AGPAT4: variants seen among roughly 807,000 people sequenced by gnomAD.
AGPAT4 encodes the protein 1-acyl-sn-glycerol-3-phosphate acyltransferase delta.
AGPAT4 carries 15 observed loss-of-function variants against 48.0 expected under a neutral mutation model. That is an observed-to-expected ratio of 0.31 (90% CI 0.21 to 0.48). The LOEUF is 0.48. AGPAT4 is among the 20% of genes least tolerant of loss of function. The pLI, the probability that AGPAT4 is intolerant of heterozygous loss-of-function variation, is 0.99. For missense variants in AGPAT4, 314 were observed against 482.5 expected, an observed-to-expected ratio of 0.65 and a Z score of 3.27; for synonymous variants, 178 against 198.7, an observed-to-expected ratio of 0.90 and a Z score of 0.88.
At position 161,223,387 on chromosome 6, in the gene AGPAT4, T is replaced by G. The variant is rs189957890; in HGVS notation, c.178+8649A>C. On this transcript the variant is annotated intron_variant, in intron 2 of 8. Coordinates refer to ENST00000320285, the MANE Select transcript of AGPAT4 (RefSeq NM_020133.3). This position sits in a 1 kb window ranked among gnomAD's most constrained non-coding sequence, Gnocchi z 6.3. ...ACTTGCATAGCATTTGACATTTGCTTATTTCAAAGTGTGGTGGAAAAGGGG... is the reference window on the plus strand; with the variant it reads ...ACTTGCATAGCATTTGACATTTGCTGATTTCAAAGTGTGGTGGAAAAGGGG... Among the ~76,000 whole-genome samples the G allele has an allele frequency of 3.3e-5, 5 of 152,332 alleles. No homozygotes were observed. The East Asian group carries it at 9.7e-4, about 29-fold the overall frequency.
Position 161,221,531 on chromosome 6 carries a change from G to A in AGPAT4, c.178+10505C>T, listed in dbSNP as rs139124378. 3.3e-5 allele frequency among the ~76,000 whole-genome samples: 5 copies of A among 152,172 alleles called. No individual in the cohort carries two copies. The South Asian group carries it at 6.2e-4, about 19-fold the overall frequency. On this transcript the variant is annotated intron_variant, in intron 2 of 8. Coordinates refer to ENST00000320285, the MANE Select transcript of AGPAT4 (RefSeq NM_020133.3). The surrounding 1 kb of genome is among the most constrained non-coding windows in gnomAD (Gnocchi z 4.5). Reference sequence around the variant, plus strand: ...ACCATATTAATGTGTCATTTATCACGAAACTGGACTTCACTTTGGACTTCA... The same window carrying A: ...ACCATATTAATGTGTCATTTATCACAAAACTGGACTTCACTTTGGACTTCA...
rs1781742218 is a variant in AGPAT4, at chr6:161,219,426, G to GT, written c.178+12609dup. On this transcript the variant is annotated intron_variant, in intron 2 of 8. Transcript: ENST00000320285. The surrounding 1 kb of genome is among the most constrained non-coding windows in gnomAD (Gnocchi z 4.9). ...AACATAAATAGAAGCTCTCAGGTTT[G>GT]TTTTTTCTATACCCCAATGGCTTGT... 6.6e-6 allele frequency among the ~76,000 whole-genome samples: 1 copy of GT among 151,896 alleles called. No homozygotes were observed.
rs948747839 is a variant in AGPAT4, at chr6:161,249,983, G to A, written c.-89-17681C>T. On this transcript the variant is annotated intron_variant, in intron 1 of 8. Transcript: ENST00000320285. This position sits in a 1 kb window ranked among gnomAD's most constrained non-coding sequence, Gnocchi z 6.2. ...TAGTAGACTGGATAAAGGAAATGTG[G>A]TACATATATACTGTGGAATATTATG... Among the ~76,000 whole-genome samples, 6 of 152,178 alleles carry A rather than the reference G, an allele frequency of 3.9e-5. No individual in the cohort carries two copies. The highest frequency in any genetic ancestry group is 1.4e-4 in the African/African-American group (6 of 41,436).
chr6:161,271,013 G>A (rs779839955), intron 1 of AGPAT4, among the ~76,000 whole-genome samples: 10 of 152,286 alleles, frequency 6.6e-5, no homozygotes, highest in Admixed American at 1.3e-4. Context: ...CTGGCCTTTC[G>A]TTGTTAAGCT....
intron 2 of AGPAT4, among the ~76,000 whole-genome samples, chr6:161,173,144 T>C (rs1225736808): frequency 1.3e-5 from 2 of 152,228 alleles, no homozygotes; most frequent in African/African-American, 4.8e-5. Flanking sequence ...TTTATAATCC[T>C]TTGGGTATAT....
At chr6:161,239,482 A>G in intron 1 of AGPAT4, among the ~76,000 whole-genome samples, 1 of 152,206 alleles carries the variant, frequency 6.6e-6, no homozygotes, top group Middle Eastern at 3.2e-3. Flanking sequence ...TTTAAAAGGT[A>G]TTTATTTGTT....
chr6:161,152,446 A>C (rs910723), intron 5 of AGPAT4, among the ~76,000 whole-genome samples: 46,320 of 151,828 alleles, frequency 0.31, 9,029 homozygotes, highest in African/African-American at 0.56. Context: ...ACCACCGCTA[A>C]AGCCGGTGGG....
At chr6:161,269,844 A>G (rs1214726336) in intron 1 of AGPAT4, among the ~76,000 whole-genome samples, 1 of 152,240 alleles carries the variant, frequency 6.6e-6, no homozygotes, top group Non-Finnish European at 1.5e-5. Flanking sequence ...AGATGGATGT[A>G]TCATGTATGT....
rs1404648103 is a variant in AGPAT4, at chr6:161,200,387, T to C, written c.178+31649A>G. ...AAATGATGGAGTGCGCTGTCTGAAT[T>C]CAGAGAGTTTTATCTTAAATAACAT... On this transcript the variant is annotated intron_variant, in intron 2 of 8. Coordinates refer to ENST00000320285, the MANE Select transcript of AGPAT4 (RefSeq NM_020133.3). The surrounding 1 kb of genome is among the most constrained non-coding windows in gnomAD (Gnocchi z 5.5). Among the ~76,000 whole-genome samples the C allele has an allele frequency of 6.6e-6, 1 of 152,212 alleles. No homozygotes were observed. Among genetic ancestry groups the C allele is most frequent in the Non-Finnish European group, 1.5e-5 (1 of 68,046 alleles).
rs768925003 is a variant in AGPAT4 at position 161,216,723 on chromosome 6, G to T, written c.178+15313C>A. Among the ~76,000 whole-genome samples the T allele has an allele frequency of 6.6e-6, 1 of 152,142 alleles. No individual in the cohort carries two copies. The highest frequency in any genetic ancestry group is 6.5e-5 in the Admixed American group (1 of 15,284). Reference sequence around the variant, plus strand: ...AGGCGAAAGGCTCTTCTTAAGCAGCGACAGCAAGAGAAAATGAGAAAGAAG... The same window carrying T: ...AGGCGAAAGGCTCTTCTTAAGCAGCTACAGCAAGAGAAAATGAGAAAGAAG... On this transcript the variant is annotated intron_variant, in intron 2 of 8. Transcript: ENST00000320285. The surrounding 1 kb of genome is among the most constrained non-coding windows in gnomAD (Gnocchi z 4.8).
At chr6:161,203,917 T>G (rs184486871) in intron 2 of AGPAT4, among the ~76,000 whole-genome samples, 1 of 152,172 alleles carries the variant, frequency 6.6e-6, no homozygotes, top group African/African-American at 2.4e-5. Flanking sequence ...TAAATTCACA[T>G]TGAAAGCATT....
In AGPAT4 at chr6:161,262,829, A is replaced by G. The variant is rs1783140417; in HGVS notation, c.-90+11109T>C. 6.6e-6 allele frequency among the ~76,000 whole-genome samples: 1 copy of G among 152,142 alleles called. No individual in the cohort carries two copies. The highest frequency in any genetic ancestry group is 6.5e-5 in the Admixed American group (1 of 15,284). On this transcript the variant is annotated intron_variant, in intron 1 of 8. Coordinates refer to ENST00000320285, the MANE Select transcript of AGPAT4 (RefSeq NM_020133.3). The surrounding 1 kb of genome is among the most constrained non-coding windows in gnomAD (Gnocchi z 4.9). ...CTCCAGTGAAAAAAACCTCTAGGAG[A>G]ACATGAGGATAACGTCATAAACAGT...
intron 2 of AGPAT4, among the ~76,000 whole-genome samples, chr6:161,182,487 C>T (rs67531830): frequency 0.13 from 19,918 of 147,862 alleles, 1,168 homozygotes; most frequent in Non-Finnish European, 0.19. Context: ...GCATCCCAGC[C>T]TCTCACCCTA....
rs1252403943 is a variant in AGPAT4, at chr6:161,143,789, A to C, written c.843+2735T>G. Among the ~76,000 whole-genome samples the C allele has an allele frequency of 6.6e-6, 1 of 152,228 alleles. No homozygotes were observed. Among genetic ancestry groups the C allele is most frequent in the Admixed American group, 6.5e-5 (1 of 15,290 alleles). On this transcript the variant is annotated intron_variant, in intron 7 of 8. Transcript: ENST00000320285. This position sits in a 1 kb window ranked among gnomAD's most constrained non-coding sequence, Gnocchi z 4.7. ...CCATATTAAAGAGTATAACTGTGTC[A>C]GTGGTAGATGGCGAGTTTCTCTTTA... is the stretch of plus-strand genomic sequence containing the variant.
At chr6:161,227,148 T>C (rs546022333) in intron 2 of AGPAT4, among the ~76,000 whole-genome samples, 1 of 152,260 alleles carries the variant, frequency 6.6e-6, no homozygotes, top group South Asian at 2.1e-4. Flanking sequence ...TAGAATGGCA[T>C]ACACAGGAAA....
chr6:161,207,527 T>G (rs1781408151), intron 2 of AGPAT4, among the ~76,000 whole-genome samples: 1 of 152,310 alleles, frequency 6.6e-6, no homozygotes, highest in Non-Finnish European at 1.5e-5. Flanking sequence ...TATTTATCAG[T>G]GCCTGCAAGG....
In AGPAT4 at chr6:161,264,212, G is replaced by A. The variant is rs1192567740; in HGVS notation, c.-90+9726C>T. Among the ~76,000 whole-genome samples, 2 of 152,132 alleles carry A rather than the reference G, an allele frequency of 1.3e-5. No individual in the cohort carries two copies. The highest frequency in any genetic ancestry group is 2.1e-4 in the South Asian group (1 of 4,820). On this transcript the variant is annotated intron_variant, in intron 1 of 8. Coordinates refer to ENST00000320285, the MANE Select transcript of AGPAT4 (RefSeq NM_020133.3). The surrounding 1 kb of genome is among the most constrained non-coding windows in gnomAD (Gnocchi z 6.8). The stretch of plus-strand genomic sequence containing the variant: ...CTCCCTATATTTACTATCTCAGGGC[G>A]TCAAAGACACCCTCCATACAACAAG...
intron 2 of AGPAT4, among the ~76,000 whole-genome samples, chr6:161,205,502 G>A (rs1302083033): frequency 6.6e-6 from 1 of 152,146 alleles, no homozygotes; most frequent in Admixed American, 6.5e-5. Context: ...GAGAGCAGAG[G>A]CACATTTACA....
chr6:161,144,154 C>G lies in AGPAT4; in HGVS notation c.843+2370G>C, dbSNP rs535308816. The G allele has an allele frequency of 1.5e-5, 8 of 533,296 alleles. No individual in the cohort carries two copies. In the African/African-American group the frequency reaches 1.5e-4, roughly 10 times the overall value. The allele number at this position is 533,296 out of a possible 1,614,324, so 33.0% of individuals were successfully genotyped here. ...CTATTCACCACTCTGCTTGGAGAAA[C>G]CATGCACCACTTCCACTTGCTGCTC... On this transcript the variant is annotated intron_variant, in intron 7 of 8. Coordinates refer to ENST00000320285, the MANE Select transcript of AGPAT4 (RefSeq NM_020133.3). This position sits in a 1 kb window ranked among gnomAD's most constrained non-coding sequence, Gnocchi z 6.6.
Sources: allele counts gnomAD v4.1 joint callset (sites outside exome capture counted in the v4.1 genomes callset), GRCh38; gene constraint gnomAD v4.1.1; non-coding constraint Gnocchi (gnomAD v3.1); transcripts MANE v1.5; gene names NCBI Gene and HGNC (gene_info 2026-07-23, HGNC 2026-07-21).